PCDHA10: variants seen among roughly 807,000 people sequenced by gnomAD.
PCDHA10 encodes the protein protocadherin alpha 10.
A neutral mutation model predicts 61.2 loss-of-function variants in PCDHA10; 45 were observed. The ratio of observed to expected loss-of-function variants is 0.74; its 90% CI spans 0.58 to 0.94. PCDHA10 has a LOEUF of 0.94. Ranked by LOEUF, PCDHA10 falls within the 40% of genes least tolerant of loss-of-function variation. The pLI is 0.00. For synonymous variants in PCDHA10, 602 were observed against 548.8 expected (o/e 1.10, Z -1.35); for missense variants, 1,278 against 1,236.2 (o/e 1.03, Z -0.51).
chr5:140,968,125 TAC>T, intron 1 of PCDHA10: 1 of 1,614,174 alleles, frequency 6.2e-7, no homozygotes, highest in Non-Finnish European at 8.5e-7. Context: ...CATCCCTGCG[TAC>T]ACTGAAGGTT....
At chr5:140,869,928 A>G (rs1554163617) in intron 1 of PCDHA10, 1 of 1,611,726 alleles carries the variant, frequency 6.2e-7, no homozygotes, top group Middle Eastern at 1.6e-4. Context: ...GAGTCAATGG[A>G]GAGGTAACAT....
chr5:140,900,534 T>C (rs1583392378), intron 1 of PCDHA10, among the ~76,000 whole-genome samples: 1 of 152,202 alleles, frequency 6.6e-6, no homozygotes, highest in Admixed American at 6.5e-5. Context: ...ACCTCGGCTT[T>C]CCAAAGTGCT....
At chr5:141,007,258 A>G (rs1160413471) in intron 3 of PCDHA10, among the ~76,000 whole-genome samples, 1 of 152,110 alleles carries the variant, frequency 6.6e-6, no homozygotes, top group Non-Finnish European at 1.5e-5. Flanking sequence ...AGTTAAAAGA[A>G]GCAGATACAG....
intron 1 of PCDHA10, chr5:140,871,151 C>T: frequency 6.2e-7 from 1 of 1,613,328 alleles, no homozygotes; most frequent in Non-Finnish European, 8.5e-7. Flanking sequence ...CGGACTTTGG[C>T]GGGCGCCGCG....
At chr5:140,945,768 T>C (rs1212479192) in intron 1 of PCDHA10, among the ~76,000 whole-genome samples, 3 of 152,062 alleles carry the variant, frequency 2.0e-5, no homozygotes, top group African/African-American at 7.2e-5. Flanking sequence ...GTGGGACAAT[T>C]TGATATCCAG....
chr5:141,012,183 A>G lies in PCDHA10; in HGVS notation c.*2246A>G, dbSNP rs1554263839. The stretch of plus-strand genomic sequence containing the variant: ...TAATTTATTAATGATGATAATTATA[A>G]TGTATCTGTACAGCACTTTTTACAT... On this transcript the variant is annotated 3_prime_UTR_variant, in exon 4 of 4. Coordinates refer to ENST00000307360, the MANE Select transcript of PCDHA10 (RefSeq NM_018901.4). The G allele has an allele frequency of 6.5e-6, 1 of 153,782 alleles. No homozygotes were observed. Among genetic ancestry groups the G allele is most frequent in the Admixed American group, 6.5e-5 (1 of 15,280 alleles). 9.5% of individuals were successfully genotyped at this position (153,782 alleles called of 1,614,324 possible). A position where few individuals can be genotyped will look rare whatever the true frequency, so the allele number is the denominator to read the frequency against.
chr5:140,885,516 T>A (rs1235698672), intron 1 of PCDHA10, among the ~76,000 whole-genome samples: 2 of 152,198 alleles, frequency 1.3e-5, no homozygotes, highest in Non-Finnish European at 2.9e-5. Flanking sequence ...TGCTGTGCTA[T>A]CATTTCATAT....
At chr5:140,927,166 G>A in intron 1 of PCDHA10, 1 of 1,614,188 alleles carries the variant, frequency 6.2e-7, no homozygotes. Context: ...GGCCAAAGCT[G>A]CCTGCGTCTT....
chr5:140,983,526 A>G (rs1421450953), intron 3 of PCDHA10, among the ~76,000 whole-genome samples: 3 of 152,230 alleles, frequency 2.0e-5, no homozygotes, highest in Admixed American at 2.0e-4. Flanking sequence ...TGCCAAGTAC[A>G]TTGTATGTGT....
intron 1 of PCDHA10, among the ~76,000 whole-genome samples, chr5:140,913,412 T>G (rs2076324998): frequency 6.6e-6 from 1 of 152,222 alleles, no homozygotes; most frequent in African/African-American, 2.4e-5. Context: ...TTTGAATTCC[T>G]GCAGTATCAG....
chr5:140,877,721 A>C, intron 1 of PCDHA10: 3 of 1,614,000 alleles, frequency 1.9e-6, no homozygotes, highest in Non-Finnish European at 2.5e-6. Context: ...AGTTGGTCTT[A>C]CTCGCAGCAG....
At chr5:141,000,513 C>G (rs1258002727) in intron 3 of PCDHA10, among the ~76,000 whole-genome samples, 2 of 143,802 alleles carry the variant, frequency 1.4e-5, no homozygotes, top group African/African-American at 5.2e-5. Context: ...CTGCAACCTC[C>G]TTCTCCAGGG....
intron 1 of PCDHA10, among the ~76,000 whole-genome samples, chr5:140,937,638 CATGGTGG>C (rs1563162054): frequency 2.0e-5 from 3 of 150,048 alleles, no homozygotes; most frequent in South Asian, 4.2e-4. Flanking sequence ...AAAGGCAGGG[CATGGTGG>C]CTCACGCCTG....
chr5:140,856,879 G>A lies in PCDHA10; in HGVS notation c.831G>A (p.Met277Ile). 1 of 1,593,884 alleles carries A rather than the reference G, an allele frequency of 6.3e-7. No individual in the cohort carries two copies. The highest frequency in any genetic ancestry group is 8.6e-7 in the Non-Finnish European group (1 of 1,163,822). ...DSDEGINKEM[M>I]YSFSSLVPPT... Reference sequence around the variant, plus strand: ...ATGAAGGAATAAACAAGGAAATGATGTATTCATTTAGCTCTTTGGTCCCAC... The same window carrying A: ...ATGAAGGAATAAACAAGGAAATGATATATTCATTTAGCTCTTTGGTCCCAC... Residue 277 changes from methionine to isoleucine, a missense_variant, in exon 1 of 4, where the codon ATG (methionine) becomes ATA (isoleucine). Physicochemically the swap from Met to Ile is conservative, Grantham distance 10. Coordinates refer to ENST00000307360, the MANE Select transcript of PCDHA10 (RefSeq NM_018901.4).
chr5:140,917,777 T>C (rs913092177), intron 1 of PCDHA10, among the ~76,000 whole-genome samples: 7 of 152,214 alleles, frequency 4.6e-5, no homozygotes, highest in Non-Finnish European at 1.0e-4. Context: ...ATTAGTACCA[T>C]GTTGTTTTGG....
At chr5:140,876,565 G>T (rs371696514) in intron 1 of PCDHA10, 1 of 1,614,182 alleles carries the variant, frequency 6.2e-7, no homozygotes, top group Non-Finnish European at 8.5e-7. Context: ...GGATGCTCAG[G>T]TGGGTACCGT....
At chr5:140,860,205 A>G (rs1007227708) in intron 1 of PCDHA10, 2 of 149,744 alleles carry the variant, frequency 1.3e-5, no homozygotes, top group East Asian at 3.9e-4. Flanking sequence ...ATATATCTAT[A>G]TATGTACTTA....
At chr5:140,937,507 C>G (rs1427417860) in intron 1 of PCDHA10, among the ~76,000 whole-genome samples, 1 of 152,106 alleles carries the variant, frequency 6.6e-6, no homozygotes, top group Non-Finnish European at 1.5e-5. Context: ...ATCCCAGCTA[C>G]TCAGGAGGCT....
chr5:140,945,533 A>G (rs1007849839), intron 1 of PCDHA10, among the ~76,000 whole-genome samples: 2 of 152,084 alleles, frequency 1.3e-5, no homozygotes, highest in African/African-American at 4.8e-5. Flanking sequence ...AAAACAAAAC[A>G]TACAAACAAA....
Sources: allele counts gnomAD v4.1 joint callset (sites outside exome capture counted in the v4.1 genomes callset), GRCh38; gene constraint gnomAD v4.1.1; transcripts MANE v1.5; gene names NCBI Gene and HGNC (gene_info 2026-07-23, HGNC 2026-07-21).